ECM2: variants seen among roughly 807,000 people sequenced by gnomAD.
ECM2 encodes the protein extracellular matrix protein 2, also known as extracellular matrix protein 2, female organ and adipocyte specific.
Under a neutral mutation model 67.5 loss-of-function variants are expected in ECM2, and 57 were observed. That is an observed-to-expected ratio of 0.84 (90% CI 0.68 to 1.05). The LOEUF (loss-of-function observed/expected upper bound fraction) is 1.05. Among genes scored for constraint, ECM2 ranks in the 50% least tolerant of loss-of-function variants. The pLI is 0.00. For synonymous variants in ECM2, 258 were observed against 294.5 expected (o/e 0.88, Z 1.27); for missense variants, 741 against 822.8 (o/e 0.90, Z 1.22).
chr9:92,544,029 TTC>T, the ECM2 span, among the ~76,000 whole-genome samples: 1 of 152,184 alleles, frequency 6.6e-6, no homozygotes, highest in African/African-American at 2.4e-5. Flanking sequence ...TTTTATTTCT[TTC>T]TCTTATCTAA....
chr9:92,554,238 C>T, the ECM2 span, among the ~76,000 whole-genome samples: 2 of 151,442 alleles, frequency 1.3e-5, no homozygotes, highest in Non-Finnish European at 2.9e-5. Flanking sequence ...GGCTGGAGTG[C>T]AATGGCACAA....
chr9:92,547,110 C>T, the ECM2 span, among the ~76,000 whole-genome samples: 2 of 152,036 alleles, frequency 1.3e-5, no homozygotes, highest in Non-Finnish European at 1.5e-5. Flanking sequence ...GAACTAGCGG[C>T]GTAAGTGTAA....
rs141628937 is a variant in ECM2, at chr9:92,532,109, A to G, written c.-28+3824T>C. Among the ~76,000 whole-genome samples the G allele has an allele frequency of 2.1e-5, 3 of 141,822 alleles. No homozygotes were observed. In the Admixed American group the frequency reaches 2.1e-4, roughly 10 times the overall value. The allele number at this position is 141,822 out of a possible 152,430, so 93.0% of individuals were successfully genotyped here. A position where few individuals can be genotyped will look rare whatever the true frequency, so the allele number is the denominator to read the frequency against. On this transcript the variant is annotated intron_variant, in intron 1 of 9. Transcript: ENST00000344604. ...TCCCTAGGCTAAAGCGATCCACCTG[A>G]CTCAACCTTTCGAGTAGCTGGGACT...
rs1321528818 is a variant in ECM2 at position 92,510,042 on chromosome 9, A to G, written c.1171-8T>C. On this transcript the variant is annotated splice_polypyrimidine_tract_variant and splice_region_variant and intron_variant, in intron 5 of 9. Transcript: ENST00000344604. ...CATTAACTTCTTCAGAAGCTTAAAA[A>G]GCAAATCTCAAAGTTACTTTTTTAT... 1.9e-6 allele frequency: 3 copies of G among 1,586,278 alleles called. No homozygotes were observed. The African/African-American group carries it at 4.1e-5, about 22-fold the overall frequency.
chr9:92,500,399 C>A (rs1279636284), intron 9 of ECM2, among the ~76,000 whole-genome samples: 2 of 152,180 alleles, frequency 1.3e-5, no homozygotes, highest in Non-Finnish European at 2.9e-5. Flanking sequence ...GCCAGGCTGG[C>A]CTCAGACTCT....
intron 1 of ECM2, among the ~76,000 whole-genome samples, chr9:92,527,595 C>T (rs1471926137): frequency 1.3e-5 from 2 of 152,156 alleles, no homozygotes; most frequent in Non-Finnish European, 2.9e-5. Flanking sequence ...CAACCTAAGA[C>T]AAGCTGTGGG....
upstream of ECM2, among the ~76,000 whole-genome samples, chr9:92,539,554 C>T (rs1052094220): frequency 6.6e-6 from 1 of 151,968 alleles, no homozygotes; most frequent in South Asian, 2.1e-4. Context: ...GTATAGCCTA[C>T]TTACTAAGGG....
At chr9:92,551,968 GAT>G in the ECM2 span, among the ~76,000 whole-genome samples, 50 of 97,932 alleles carry the variant, frequency 5.1e-4, 1 homozygote, top group East Asian at 1.1e-3. Context: ...ATATATGTGT[GAT>G]ATATATGTGT....
chr9:92,493,963 G>A, downstream of ECM2: 4 of 830,290 alleles, frequency 4.8e-6, no homozygotes, highest in Non-Finnish European at 7.4e-6. Flanking sequence ...GGCCGTTGAG[G>A]GTGGCCGTAG....
the ECM2 span, among the ~76,000 whole-genome samples, chr9:92,554,188 C>CTT: frequency 1.9e-3 from 281 of 146,712 alleles, no homozygotes; most frequent in African/African-American, 6.2e-3. Flanking sequence ...GTTTTTAATT[C>CTT]TTTTTTTTTT....
intron 9 of ECM2, among the ~76,000 whole-genome samples, chr9:92,497,952 A>T (rs2131141085): frequency 6.7e-6 from 1 of 150,132 alleles, no homozygotes; most frequent in Admixed American, 6.6e-5. Context: ...ATCTCTACAC[A>T]CTCCATCTCC....
chr9:92,543,095 A>C, the ECM2 span, among the ~76,000 whole-genome samples: 1 of 152,132 alleles, frequency 6.6e-6, no homozygotes, highest in Non-Finnish European at 1.5e-5. Flanking sequence ...TTATGCCAGT[A>C]CTATGCTGTT....
At chr9:92,549,363 T>C in the ECM2 span, among the ~76,000 whole-genome samples, 1 of 152,280 alleles carries the variant, frequency 6.6e-6, no homozygotes, top group African/African-American at 2.4e-5. Flanking sequence ...GAAAACTAGA[T>C]GAAGCTGGCC....
At chr9:92,537,690 G>T (rs971745878), upstream of ECM2, among the ~76,000 whole-genome samples, 5 of 152,040 alleles carry the variant, frequency 3.3e-5, no homozygotes, top group African/African-American at 1.2e-4. Context: ...AGAAAAAGAT[G>T]AGTACAAATG....
chr9:92,530,985 C>T (rs906131349), intron 1 of ECM2, among the ~76,000 whole-genome samples: 1 of 152,082 alleles, frequency 6.6e-6, no homozygotes, highest in South Asian at 2.1e-4. Context: ...TGATTAATGT[C>T]TGCAAAATAT....
intron 8 of ECM2, among the ~76,000 whole-genome samples, chr9:92,501,700 G>A (rs992845029): frequency 1.3e-5 from 2 of 152,196 alleles, no homozygotes; most frequent in Non-Finnish European, 2.9e-5. Context: ...TCTGCCTACA[G>A]TGGGCTCAGT....
chr9:92,501,749 C>T (rs1048655587), intron 8 of ECM2, among the ~76,000 whole-genome samples: 1 of 152,216 alleles, frequency 6.6e-6, no homozygotes, highest in Non-Finnish European at 1.5e-5. Flanking sequence ...CTCCATCCTG[C>T]TTCTGAATGA....
intron 1 of ECM2, among the ~76,000 whole-genome samples, chr9:92,529,889 G>A (rs1249154596): frequency 6.6e-6 from 1 of 152,182 alleles, no homozygotes; most frequent in Non-Finnish European, 1.5e-5. Flanking sequence ...CACAGGTTCT[G>A]CATCTGTGGA....
intron 1 of ECM2, among the ~76,000 whole-genome samples, chr9:92,527,574 A>ACT (rs1161617795): frequency 2.0e-5 from 3 of 152,204 alleles, no homozygotes; most frequent in Admixed American, 2.0e-4. Context: ...GATTCTTAGA[A>ACT]GTCTGCTTCA....
Sources: allele counts gnomAD v4.1 joint callset (sites outside exome capture counted in the v4.1 genomes callset), GRCh38; gene constraint gnomAD v4.1.1; transcripts MANE v1.5; gene names NCBI Gene and HGNC (gene_info 2026-07-23, HGNC 2026-07-21).